Variants in APBB2 observed in about 807,000 individuals in gnomAD.
APBB2 encodes Fe65-like 1.
APBB2 carries 38 observed loss-of-function variants against 82.5 expected under a neutral mutation model. The observed-to-expected ratio is 0.46, with a 90% CI of 0.36 to 0.60. APBB2 has a LOEUF of 0.60. Among genes scored for constraint, APBB2 ranks in the 20% least tolerant of loss-of-function variants. The probability of loss-of-function intolerance (pLI) is 0.00; values close to 1 mark genes in which losing one functional copy is unlikely to be tolerated. For synonymous variants in APBB2, 341 were observed against 368.2 expected, an observed-to-expected ratio of 0.93 and a Z score of 0.85; for missense variants, 772 against 972.3, an observed-to-expected ratio of 0.79 and a Z score of 2.74.
chr4:40,827,242 T>C, intron 13 of APBB2, 23 bp from the exon 14 acceptor site: 1 of 1,611,106 alleles, frequency 6.2e-7, no homozygotes, highest in Non-Finnish European at 8.5e-7. Flanking sequence ...AAGTGCAGCT[T>C]TGGAGCGTGG....
At chr4:40,994,143 C>T (rs557100080) in intron 6 of APBB2, among the ~76,000 whole-genome samples, 5 of 152,074 alleles carry the variant, frequency 3.3e-5, no homozygotes, top group East Asian at 1.9e-4. Flanking sequence ...AAAAATTAGC[C>T]GGGCACGGTA....
At chr4:41,091,844 C>T (rs1741828211) in intron 3 of APBB2, among the ~76,000 whole-genome samples, 1 of 152,172 alleles carries the variant, frequency 6.6e-6, no homozygotes, top group Non-Finnish European at 1.5e-5. Context: ...AAAAATCCAA[C>T]CAAATACCCA....
chr4:40,978,587 G>A lies in APBB2; in HGVS notation c.836-33514C>T, dbSNP rs78175103. The stretch of plus-strand genomic sequence containing the variant: ...AATATTTTCCTTGGGAAAAAAAAGC[G>A]TGGAAAATTACTTAACAAATGTCAA... On this transcript the variant is annotated intron_variant, in intron 6 of 17. Coordinates refer to ENST00000508593, the MANE Select transcript of APBB2 (RefSeq NM_004307.2). 7.1e-3 allele frequency among the ~76,000 whole-genome samples: 1,073 copies of A among 152,124 alleles called. 14 individuals carry two copies. Among genetic ancestry groups the A allele is most frequent in the Middle Eastern group, 0.027 (8 of 294 alleles).
At chr4:40,968,578 T>C (rs1427796589) in intron 6 of APBB2, among the ~76,000 whole-genome samples, 1 of 152,174 alleles carries the variant, frequency 6.6e-6, no homozygotes, top group East Asian at 1.9e-4. Context: ...TTCTCCTCTC[T>C]TTGCCATCTC....
At chr4:40,956,942 C>A (rs186085067) in intron 6 of APBB2, among the ~76,000 whole-genome samples, 2 of 152,172 alleles carry the variant, frequency 1.3e-5, no homozygotes, top group Non-Finnish European at 2.9e-5. Flanking sequence ...TACATTTTCT[C>A]GGGGCTGTAT....
Position 40,934,511 on chromosome 4 carries a change from G to C in APBB2, c.1199C>G (p.Ala400Gly), listed in dbSNP as rs1208901931. The change falls in exon 10 of 18, where the codon GCC (alanine) becomes GGC (glycine). Residue 400 changes from alanine (A) to glycine (G), a missense_variant. By Grantham distance (60) the Ala-to-Gly change is moderately conservative. Transcript: ENST00000508593. The stretch of plus-strand genomic sequence containing the variant: ...AGAATCATCATCATCAGGGTGTGGG[G>C]CATTTCTAGGCAGAAAAACAGAAAA... ...LRYASLKLRN[A>G]PHPDDDDSCS... 4 of 1,614,070 alleles carry C rather than the reference G, an allele frequency of 2.5e-6. No homozygotes were observed. Among genetic ancestry groups the C allele is most frequent in the Non-Finnish European group, 3.4e-6 (4 of 1,179,976 alleles).
chr4:41,142,611 T>C (rs987291228), intron 2 of APBB2, among the ~76,000 whole-genome samples: 1 of 152,098 alleles, frequency 6.6e-6, no homozygotes, highest in Non-Finnish European at 1.5e-5. Context: ...AAACTACAAA[T>C]CCAACTCCAT....
At chr4:41,144,258 C>T (rs915585630) in intron 1 of APBB2, among the ~76,000 whole-genome samples, 2 of 152,180 alleles carry the variant, frequency 1.3e-5, no homozygotes, top group African/African-American at 4.8e-5. Context: ...ACATTAATCT[C>T]TACCTTCAGT....
chr4:41,100,045 G>C (rs969244105), intron 3 of APBB2, among the ~76,000 whole-genome samples: 1 of 151,982 alleles, frequency 6.6e-6, no homozygotes, highest in Non-Finnish European at 1.5e-5. Context: ...TTTTCTAAAA[G>C]ACAGCAAAAA....
chr4:41,087,317 TAAA>T lies in APBB2; in HGVS notation c.-149+13319_-149+13321del, dbSNP rs1331844947. On this transcript the variant is annotated intron_variant, in intron 3 of 17. Coordinates refer to ENST00000508593, the MANE Select transcript of APBB2 (RefSeq NM_004307.2). The stretch of plus-strand genomic sequence containing the variant: ...GGAAAAATCAGCATTTATTCTCTTT[TAAA>T]ATATACCTTAAAAGTTACCAACAAT... Among the ~76,000 whole-genome samples, 5 of 152,348 alleles carry T rather than the reference TAAA, an allele frequency of 3.3e-5. No homozygotes were observed. The South Asian group carries it at 6.2e-4, about 19-fold the overall frequency.
At chr4:41,027,433 T>G (rs2154437417) in intron 5 of APBB2, among the ~76,000 whole-genome samples, 1 of 146,628 alleles carries the variant, frequency 6.8e-6, no homozygotes, top group Admixed American at 7.0e-5. Context: ...CAGACTGTAG[T>G]ACAAAGCCAC....
At chr4:40,857,074 G>A in intron 12 of APBB2, 1 of 985,542 alleles carries the variant, frequency 1.0e-6, no homozygotes, top group South Asian at 4.7e-5. Context: ...CGCCCCAGGT[G>A]CTACGACAAG....
chr4:40,937,409 C>G (rs1458037534), intron 7 of APBB2, among the ~76,000 whole-genome samples: 1 of 152,190 alleles, frequency 6.6e-6, no homozygotes, highest in African/African-American at 2.4e-5. Flanking sequence ...TGCATTTACT[C>G]TTTGGACATA....
intron 2 of APBB2, among the ~76,000 whole-genome samples, chr4:41,102,777 G>A (rs938423166): frequency 1.3e-5 from 2 of 152,314 alleles, no homozygotes; most frequent in Middle Eastern, 3.4e-3. Flanking sequence ...ACAAGCAAAT[G>A]TCAGGACTTT....
chr4:41,024,400 G>T (rs1312635645), intron 5 of APBB2, among the ~76,000 whole-genome samples: 18 of 152,152 alleles, frequency 1.2e-4, no homozygotes. Flanking sequence ...CCTACAGAAT[G>T]GGAGAAACTA....
chr4:40,868,163 T>A (rs1035000552), intron 12 of APBB2, among the ~76,000 whole-genome samples: 1 of 152,134 alleles, frequency 6.6e-6, no homozygotes, highest in Non-Finnish European at 1.5e-5. Context: ...AGCTGGTTTT[T>A]AAAGTATGGT....
At position 41,208,293 on chromosome 4, in the gene APBB2, G is replaced by A. The variant is rs964018215; in HGVS notation, c.-417+6112C>T. ...ATTCTTTTTTTTGAGACAGAGTCTC[G>A]CCCTTTCACCCAGGCTGGAGTGCAG... On this transcript the variant is annotated intron_variant, in intron 1 of 17. Coordinates refer to ENST00000508593, the MANE Select transcript of APBB2 (RefSeq NM_004307.2). Among the ~76,000 whole-genome samples, 10 of 151,962 alleles carry A rather than the reference G, an allele frequency of 6.6e-5. No homozygotes were observed. The South Asian group carries it at 1.3e-3, about 19-fold the overall frequency.
At chr4:40,864,247 C>T (rs1296257741) in intron 12 of APBB2, among the ~76,000 whole-genome samples, 3 of 119,222 alleles carry the variant, frequency 2.5e-5, no homozygotes, top group Admixed American at 8.4e-5. Flanking sequence ...AGTGAGACTC[C>T]GTCTCAATAA....
chr4:41,139,978 T>C (rs912335600), intron 2 of APBB2, among the ~76,000 whole-genome samples: 4 of 152,192 alleles, frequency 2.6e-5, no homozygotes, highest in East Asian at 1.9e-4. Flanking sequence ...ACTAATGATA[T>C]AGGAAACTGG....
Sources: allele counts gnomAD v4.1 joint callset (sites outside exome capture counted in the v4.1 genomes callset), GRCh38; gene constraint gnomAD v4.1.1; transcripts MANE v1.5; gene names NCBI Gene and HGNC (gene_info 2026-07-23, HGNC 2026-07-21).